PTPRM: variants seen among roughly 807,000 people sequenced by gnomAD.
The protein encoded by PTPRM is protein tyrosine phosphatase receptor type M.
In PTPRM, 47 loss-of-function variants were observed where a neutral mutation model predicts 186.7. That is an observed-to-expected ratio of 0.25 (90% CI 0.20 to 0.32). The LOEUF is 0.32. Ranked by LOEUF, PTPRM falls within the 10% of genes least tolerant of loss-of-function variation. The probability of loss-of-function intolerance (pLI) is 1.00; values close to 1 mark genes in which losing one functional copy is unlikely to be tolerated. For synonymous variants in PTPRM, 668 were observed against 674.9 expected (o/e 0.99, Z 0.16); for missense variants, 1,494 against 1,865.0 (o/e 0.80, Z 3.66).
chr18:7,853,834 A>C (rs1599073145), intron 2 of PTPRM, among the ~76,000 whole-genome samples: 2 of 152,182 alleles, frequency 1.3e-5, no homozygotes, highest in African/African-American at 4.8e-5. Flanking sequence ...TTTTCTAATC[A>C]GGTTTACAGC....
chr18:8,141,881 G>A (rs951304140), intron 13 of PTPRM, among the ~76,000 whole-genome samples: 13 of 152,182 alleles, frequency 8.5e-5, no homozygotes, highest in Admixed American at 3.9e-4. Context: ...TTTCAGTTTC[G>A]TGAATTTCAA....
intron 20 of PTPRM, among the ~76,000 whole-genome samples, chr18:8,308,154 A>G (rs1601738498): frequency 6.6e-6 from 1 of 152,246 alleles, no homozygotes; most frequent in Non-Finnish European, 1.5e-5. Context: ...TTGAGCAAAG[A>G]CCAATTCATG....
intron 1 of PTPRM, among the ~76,000 whole-genome samples, chr18:7,729,112 T>A (rs1159006363): frequency 6.6e-6 from 1 of 151,994 alleles, no homozygotes; most frequent in Admixed American, 6.6e-5. Flanking sequence ...GATCTAGCTT[T>A]GTTACCCAGG....
intron 1 of PTPRM, among the ~76,000 whole-genome samples, chr18:7,671,473 C>T (rs1169653070): frequency 1.3e-5 from 2 of 152,126 alleles, no homozygotes; most frequent in African/African-American, 4.8e-5. Flanking sequence ...TTTTGTCCCT[C>T]TGAATTAGAA....
At chr18:8,398,780 A>C (rs1229936398) in intron 32 of PTPRM, among the ~76,000 whole-genome samples, 2 of 151,864 alleles carry the variant, frequency 1.3e-5, no homozygotes, top group Non-Finnish European at 2.9e-5. Context: ...AAAAAAAAAA[A>C]AAAAAACTAT....
chr18:8,276,278 A>T (rs1275442458), intron 19 of PTPRM, among the ~76,000 whole-genome samples: 1 of 151,990 alleles, frequency 6.6e-6, no homozygotes, highest in East Asian at 1.9e-4. Flanking sequence ...CTATTTCATG[A>T]GTGTTACAAC....
At chr18:8,243,159 GC>G (rs1320959175) in intron 14 of PTPRM, among the ~76,000 whole-genome samples, 4 of 152,080 alleles carry the variant, frequency 2.6e-5, no homozygotes, top group African/African-American at 9.7e-5. Context: ...AAGTCTTCTG[GC>G]TTTTGTACAG....
chr18:7,633,359 T>C (rs907758268), intron 1 of PTPRM, among the ~76,000 whole-genome samples: 2 of 152,212 alleles, frequency 1.3e-5, no homozygotes, highest in Non-Finnish European at 2.9e-5. Flanking sequence ...ATGTTTTTGC[T>C]CTTCCCCAAA....
Position 7,580,546 on chromosome 18 carries a change from G to T in PTPRM, c.73+12655G>T, listed in dbSNP as rs565343460. On this transcript the variant is annotated intron_variant, in intron 1 of 32. Transcript: ENST00000580170. The stretch of plus-strand genomic sequence containing the variant: ...TTCTTCTTAAATATTGATAATATAC[G>T]TAAGCCTTATTTCAGGGGCTTAGCA... 3.3e-5 allele frequency among the ~76,000 whole-genome samples: 5 copies of T among 152,236 alleles called. No homozygotes were observed. In the East Asian group the frequency reaches 9.7e-4, roughly 29 times the overall value.
At chr18:8,313,572 C>CTT (rs529856335) in intron 20 of PTPRM, among the ~76,000 whole-genome samples, 1 of 143,530 alleles carries the variant, frequency 7.0e-6, no homozygotes, top group African/African-American at 2.6e-5. Flanking sequence ...CACATCCTTT[C>CTT]TTTTTTTTTT....
intron 32 of PTPRM, chr18:8,402,917 A>G (rs1476055319): frequency 1.3e-5 from 2 of 152,268 alleles, no homozygotes; most frequent in Non-Finnish European, 2.9e-5. Context: ...AATACAGGCT[A>G]GTAAAATATT....
At chr18:7,940,395 G>C (rs2052092628) in intron 5 of PTPRM, among the ~76,000 whole-genome samples, 1 of 152,180 alleles carries the variant, frequency 6.6e-6, no homozygotes, top group African/African-American at 2.4e-5. Flanking sequence ...CACTCATAAA[G>C]GAACAGCTAG....
rs554060541 is a variant in PTPRM at position 8,104,662 on chromosome 18, G to A, written c.1857-8824G>A. Reference sequence around the variant, plus strand: ...AGGGTCTCACTATCTTGCACAAGTTGGTCTCAAACTCCTGGGCCCAAGCAG... The same window carrying A: ...AGGGTCTCACTATCTTGCACAAGTTAGTCTCAAACTCCTGGGCCCAAGCAG... On this transcript the variant is annotated intron_variant, in intron 11 of 32. Transcript: ENST00000580170. Among the ~76,000 whole-genome samples, 7 of 152,082 alleles carry A rather than the reference G, an allele frequency of 4.6e-5. No homozygotes were observed. In the South Asian group the frequency reaches 1.5e-3, roughly 32 times the overall value.
At chr18:8,274,662 G>A (rs1049568030) in intron 19 of PTPRM, among the ~76,000 whole-genome samples, 1 of 152,136 alleles carries the variant, frequency 6.6e-6, no homozygotes, top group African/African-American at 2.4e-5. Context: ...CTTCCCATGA[G>A]AACTCTCAGA....
rs150281876 is a variant in PTPRM at position 8,305,555 on chromosome 18, A to G, written c.2842+9100A>G. Among the ~76,000 whole-genome samples, 41 of 152,328 alleles carry G rather than the reference A, an allele frequency of 2.7e-4. 1 individual carries two copies. The highest frequency in any genetic ancestry group is 1.2e-3 in the Admixed American group (19 of 15,306). ...CAAATAACTTCTCCAAGGCCACACA[A>G]CTAGAAAGCAGCATAACTGAGATTC... On this transcript the variant is annotated intron_variant, in intron 20 of 32. Transcript: ENST00000580170.
In PTPRM at chr18:8,038,854, G is replaced by T. The variant is rs560231768; in HGVS notation, c.1133-30832G>T. 2.0e-5 allele frequency among the ~76,000 whole-genome samples: 3 copies of T among 152,254 alleles called. No individual in the cohort carries two copies. The East Asian group carries it at 5.8e-4, about 29-fold the overall frequency. On this transcript the variant is annotated intron_variant, in intron 7 of 32. Transcript: ENST00000580170. ...TAATTCTGGAAACTGCAACATGATT[G>T]AAGTACGCACATAGCCAGAATTGGG...
At chr18:8,239,887 C>G (rs916957312) in intron 14 of PTPRM, among the ~76,000 whole-genome samples, 8 of 152,052 alleles carry the variant, frequency 5.3e-5, no homozygotes, top group Non-Finnish European at 4.4e-5. Context: ...TTACTAAGGG[C>G]CTTTGAGATT....
At chr18:8,292,379 T>C (rs991015166) in intron 19 of PTPRM, among the ~76,000 whole-genome samples, 1 of 152,218 alleles carries the variant, frequency 6.6e-6, no homozygotes, top group African/African-American at 2.4e-5. Context: ...CTTTCCCTTT[T>C]CTCTCTGGGC....
intron 1 of PTPRM, among the ~76,000 whole-genome samples, chr18:7,573,170 T>C (rs1281812225): frequency 6.6e-6 from 1 of 152,156 alleles, no homozygotes. Context: ...TGTTGTGTAC[T>C]CAGGTGTGGG....
Sources: allele counts gnomAD v4.1 joint callset (sites outside exome capture counted in the v4.1 genomes callset), GRCh38; gene constraint gnomAD v4.1.1; transcripts MANE v1.5; gene names NCBI Gene and HGNC (gene_info 2026-07-23, HGNC 2026-07-21).